Variants in CMTM8 observed in about 807,000 individuals in gnomAD.
The protein encoded by CMTM8 is CKLF-like MARVEL transmembrane domain-containing protein 8.
A neutral mutation model predicts 18.6 loss-of-function variants in CMTM8; 12 were observed. The observed-to-expected ratio is 0.65, with a 90% CI of 0.41 to 1.05. CMTM8 has a LOEUF of 1.05. Ranked by LOEUF, CMTM8 falls within the 50% of genes least tolerant of loss-of-function variation. CMTM8 has a pLI of 0.00. For missense variants in CMTM8, 217 were observed against 227.2 expected (o/e 0.95, Z 0.29); for synonymous variants, 87 against 90.6 (o/e 0.96, Z 0.23).
chr3:32,346,444 A>G (rs1210897837), intron 1 of CMTM8, among the ~76,000 whole-genome samples: 1 of 152,224 alleles, frequency 6.6e-6, no homozygotes, highest in Non-Finnish European at 1.5e-5. Context: ...CTTAAACAAC[A>G]GGAATTTATT....
chr3:32,351,956 C>T (rs115108054), intron 1 of CMTM8, among the ~76,000 whole-genome samples: 89 of 152,070 alleles, frequency 5.9e-4, no homozygotes, highest in Middle Eastern at 3.4e-3. Flanking sequence ...GCGAGCAGAT[C>T]ACTTGAGGTC....
At chr3:32,247,115 A>T (rs1702025468) in intron 1 of CMTM8, among the ~76,000 whole-genome samples, 1 of 152,304 alleles carries the variant, frequency 6.6e-6, no homozygotes, top group South Asian at 2.1e-4. Context: ...AATAAAAATT[A>T]AAAAAAGATA....
At chr3:32,336,667 C>T (rs1469342756) in intron 1 of CMTM8, among the ~76,000 whole-genome samples, 1 of 152,176 alleles carries the variant, frequency 6.6e-6, no homozygotes, top group East Asian at 1.9e-4. Flanking sequence ...CGTCTCTCTC[C>T]CACACAGAAA....
rs1206855049 is a variant in CMTM8, at chr3:32,319,057, C to CATACATACATATATATATATATATATAT, written c.148-38313_148-38312insCATACATATATATATATATATATATATA. Among the ~76,000 whole-genome samples, 19 of 45,878 alleles carry CATACATACATATATATATATATATATAT rather than the reference C, an allele frequency of 4.1e-4. 1 individual carries two copies. The highest frequency in any genetic ancestry group is 1.9e-3 in the African/African-American group (19 of 10,170). The allele number at this position is 45,878 out of a possible 152,430, so 30.1% of individuals were successfully genotyped here. On this transcript the variant is annotated intron_variant, in intron 1 of 3. Transcript: ENST00000307526. ...AAATTTATATATATGTGTGTATATA[C>CATACATACATATATATATATATATATAT]ATATATATATATATATATTTTTTTT...
rs537473158 is a variant in CMTM8 at position 32,238,845 on chromosome 3, G to C, written c.-128G>C. 3.8e-6 allele frequency: 3 copies of C among 782,764 alleles called. No individual in the cohort carries two copies. Among genetic ancestry groups the C allele is most frequent in the Non-Finnish European group, 3.4e-6 (2 of 579,988 alleles). 48.5% of individuals were successfully genotyped at this position (782,764 alleles called of 1,614,324 possible). On this transcript the variant is annotated 5_prime_UTR_variant, in exon 1 of 4. Transcript: ENST00000307526. ...ACAGCCCCCGGCGGGCGCCCCCCTC[G>C]CACCTCCTGCCCCGCGCGGGCCGCG... is the stretch of plus-strand genomic sequence containing the variant.
chr3:32,253,344 C>CTTT (rs151296321), intron 1 of CMTM8, among the ~76,000 whole-genome samples: 8 of 132,148 alleles, frequency 6.1e-5, no homozygotes, highest in African/African-American at 8.5e-5. Context: ...GTCCCTTTAT[C>CTTT]TTTTTTTTTT....
intron 1 of CMTM8, among the ~76,000 whole-genome samples, chr3:32,277,499 A>C (rs1156659033): frequency 6.6e-6 from 1 of 151,874 alleles, no homozygotes; most frequent in African/African-American, 2.4e-5. Context: ...CAACCTCCCA[A>C]GTAGCTGGTA....
intron 1 of CMTM8, among the ~76,000 whole-genome samples, chr3:32,305,875 A>C (rs1695706072): frequency 6.6e-6 from 1 of 152,252 alleles, no homozygotes; most frequent in Admixed American, 6.5e-5. Context: ...TTGACTGTAG[A>C]TAACTTATGT....
At chr3:32,255,544 A>T (rs1702164956) in intron 1 of CMTM8, among the ~76,000 whole-genome samples, 1 of 151,878 alleles carries the variant, frequency 6.6e-6, no homozygotes, top group African/African-American at 2.4e-5. Flanking sequence ...TACTTTCTTG[A>T]TTTTTCATTT....
intron 1 of CMTM8, among the ~76,000 whole-genome samples, chr3:32,293,865 T>C (rs1287385422): frequency 2.0e-5 from 3 of 152,146 alleles, no homozygotes; most frequent in Non-Finnish European, 4.4e-5. Context: ...CAAACTGTGC[T>C]CTGTGAGTAA....
At chr3:32,263,912 A>G (rs997011530) in intron 1 of CMTM8, among the ~76,000 whole-genome samples, 2 of 152,222 alleles carry the variant, frequency 1.3e-5, no homozygotes, top group East Asian at 1.9e-4. Context: ...AAAGAATAAA[A>G]AGAAACGAAC....
chr3:32,271,409 C>T (rs1702437336), intron 1 of CMTM8, among the ~76,000 whole-genome samples: 1 of 152,216 alleles, frequency 6.6e-6, no homozygotes, highest in Non-Finnish European at 1.5e-5. Context: ...CATCAGCCAC[C>T]ACGCCCAGCT....
chr3:32,256,631 A>G (rs937055029), intron 1 of CMTM8, among the ~76,000 whole-genome samples: 1 of 152,326 alleles, frequency 6.6e-6, no homozygotes, highest in Middle Eastern at 3.4e-3. Context: ...ACCATGTAAG[A>G]TAATTATAGG....
At chr3:32,331,549 T>C (rs1169388311) in intron 1 of CMTM8, among the ~76,000 whole-genome samples, 4 of 121,368 alleles carry the variant, frequency 3.3e-5, no homozygotes, top group Non-Finnish European at 7.3e-5. Context: ...AAATAAACCA[T>C]ACAAAAAAAA....
chr3:32,354,145 AT>A (rs1696766739), intron 1 of CMTM8, among the ~76,000 whole-genome samples: 1 of 148,190 alleles, frequency 6.7e-6, no homozygotes, highest in Admixed American at 6.8e-5. Context: ...TAGTTTTGCC[AT>A]TAAAAAAAAA....
At chr3:32,321,990 C>T (rs1420381606) in intron 1 of CMTM8, among the ~76,000 whole-genome samples, 3 of 152,212 alleles carry the variant, frequency 2.0e-5, no homozygotes, top group African/African-American at 7.2e-5. Flanking sequence ...GATGGGTTAG[C>T]GCCACTGTCT....
chr3:32,267,589 A>G (rs1350340918), intron 1 of CMTM8, among the ~76,000 whole-genome samples: 1 of 152,248 alleles, frequency 6.6e-6, no homozygotes. Context: ...ACAAAAGCCA[A>G]AATTCACAAG....
At chr3:32,318,612 C>G (rs1408189860) in intron 1 of CMTM8, among the ~76,000 whole-genome samples, 5 of 148,256 alleles carry the variant, frequency 3.4e-5, no homozygotes, top group East Asian at 4.0e-4. Context: ...TGTCACCCAG[C>G]CTGGAGTGCG....
Position 32,370,006 on chromosome 3 carries a change from A to ACT in CMTM8, c.*43_*44dup. 1 of 1,247,862 alleles carries ACT rather than the reference A, an allele frequency of 8.0e-7. No individual in the cohort carries two copies. 77.3% of individuals were successfully genotyped at this position (1,247,862 alleles called of 1,614,324 possible). A position where few individuals can be genotyped will look rare whatever the true frequency, so the allele number is the denominator to read the frequency against. On this transcript the variant is annotated 3_prime_UTR_variant, in exon 4 of 4. Transcript: ENST00000307526. The stretch of plus-strand genomic sequence containing the variant: ...TAATTAAAAGGAAAAAAAAAGGAAG[A>ACT]CTCTCACTGTAAAAACAGCTGTAGG...
Sources: gnomAD v4.1 joint callset for allele counts (sites outside exome capture counted in the v4.1 genomes callset) on GRCh38, gnomAD v4.1.1 for gene constraint, MANE v1.5 for transcripts, NCBI Gene and HGNC (gene_info 2026-07-23, HGNC 2026-07-21) for gene names.